The following STRN3 variants were observed in gnomAD, a reference collection of about 807,000 sequenced individuals.
STRN3 encodes the protein striatin-3.
In STRN3, 29 loss-of-function variants were observed where a neutral mutation model predicts 95.6. That is an observed-to-expected ratio of 0.30 (90% CI 0.23 to 0.41). The LOEUF (loss-of-function observed/expected upper bound fraction) is 0.41. STRN3 is among the 10% of genes least tolerant of loss of function. The pLI is 1.00. For missense variants in STRN3, 890 were observed against 972.1 expected, an observed-to-expected ratio of 0.92 and a Z score of 1.12; for synonymous variants, 331 against 357.6, an observed-to-expected ratio of 0.93 and a Z score of 0.84.
At chr14:30,895,770 A>G in intron 16 of STRN3, 22 bp from the exon 17 acceptor site, 1 of 1,589,374 alleles carries the variant, frequency 6.3e-7, no homozygotes, top group Non-Finnish European at 8.6e-7. Flanking sequence ...ATAACAGAGA[A>G]CTGATTAAGT....
chr14:30,954,466 ACT>A (rs1319236981), intron 3 of STRN3, among the ~76,000 whole-genome samples: 1 of 152,142 alleles, frequency 6.6e-6, no homozygotes, highest in Non-Finnish European at 1.5e-5. Flanking sequence ...CTCCATATAT[ACT>A]CTGACATAAA....
At chr14:30,986,866 T>C (rs1881717193) in intron 1 of STRN3, among the ~76,000 whole-genome samples, 1 of 152,228 alleles carries the variant, frequency 6.6e-6, no homozygotes, top group Non-Finnish European at 1.5e-5. Flanking sequence ...GTGAATTTCA[T>C]CTCTCACACA....
intron 5 of STRN3, among the ~76,000 whole-genome samples, chr14:30,942,400 A>G (rs1407793248): frequency 6.6e-6 from 1 of 152,198 alleles, no homozygotes; most frequent in African/African-American, 2.4e-5. Context: ...TTCTAAAGAG[A>G]CAACAGAATC....
intron 1 of STRN3, chr14:31,018,655 T>G (rs1248863798): frequency 4.3e-6 from 2 of 470,048 alleles, no homozygotes; most frequent in Non-Finnish European, 8.4e-6. Flanking sequence ...CGGACAAAAC[T>G]GGCCAGTTTC....
intron 1 of STRN3, among the ~76,000 whole-genome samples, chr14:31,001,398 T>C (rs544619578): frequency 6.6e-6 from 1 of 152,054 alleles, no homozygotes; most frequent in African/African-American, 2.4e-5. Context: ...TTGCCGGGCA[T>C]GGTGATGTGC....
intron 1 of STRN3, among the ~76,000 whole-genome samples, chr14:30,981,173 G>A (rs981097360): frequency 6.6e-6 from 1 of 152,084 alleles, no homozygotes; most frequent in Admixed American, 6.5e-5. Flanking sequence ...AAATTAACCA[G>A]GCATGACGGT....
intron 8 of STRN3, among the ~76,000 whole-genome samples, chr14:30,921,300 G>C (rs564809210): frequency 2.9e-4 from 44 of 152,212 alleles, no homozygotes; most frequent in African/African-American, 1.0e-3. Context: ...CATAATAAAG[G>C]CTTGACAAAG....
intron 1 of STRN3, among the ~76,000 whole-genome samples, chr14:31,017,970 CAAGGGG>C (rs909795254): frequency 6.6e-5 from 10 of 151,326 alleles, no homozygotes; most frequent in Non-Finnish European, 1.3e-4. Flanking sequence ...CCCAGCTACT[CAAGGGG>C]CTGAGGCAGG....
intron 1 of STRN3, among the ~76,000 whole-genome samples, chr14:30,981,931 C>T (rs2139229356): frequency 6.6e-6 from 1 of 151,888 alleles, no homozygotes; most frequent in Admixed American, 6.6e-5. Context: ...CCCATCTCTA[C>T]TAAAAATACA....
At chr14:30,974,998 G>GCT (rs1333800152) in intron 1 of STRN3, among the ~76,000 whole-genome samples, 1 of 150,696 alleles carries the variant, frequency 6.6e-6, no homozygotes, top group Admixed American at 6.7e-5. Context: ...AGGTGCCTGC[G>GCT]CTGCCTGTGA....
At chr14:31,020,644 T>C (rs578152983) in intron 1 of STRN3, among the ~76,000 whole-genome samples, 2 of 152,250 alleles carry the variant, frequency 1.3e-5, no homozygotes, top group African/African-American at 4.8e-5. Flanking sequence ...GGCTCATGCC[T>C]GTAATCCCAA....
At chr14:30,983,152 T>G (rs1269602595) in intron 1 of STRN3, among the ~76,000 whole-genome samples, 1 of 152,236 alleles carries the variant, frequency 6.6e-6, no homozygotes, top group East Asian at 1.9e-4. Context: ...CTTGGTTTTC[T>G]CAACTGTAAA....
chr14:30,976,176 T>C (rs1346969783), intron 1 of STRN3, among the ~76,000 whole-genome samples: 1 of 152,238 alleles, frequency 6.6e-6, no homozygotes, highest in Non-Finnish European at 1.5e-5. Flanking sequence ...ATAAATTTTA[T>C]TTAAGTATAC....
intron 1 of STRN3, among the ~76,000 whole-genome samples, chr14:30,981,972 T>C (rs1881426432): frequency 6.6e-6 from 1 of 151,598 alleles, no homozygotes; most frequent in Non-Finnish European, 1.5e-5. Context: ...GGCGTGTGCC[T>C]GTAATCCCAG....
chr14:30,999,436 A>T (rs919002127), intron 1 of STRN3, among the ~76,000 whole-genome samples: 1 of 152,240 alleles, frequency 6.6e-6, no homozygotes, highest in Non-Finnish European at 1.5e-5. Flanking sequence ...ACATATGAGA[A>T]TGATATTTTA....
rs113993313 is a variant in STRN3 at position 30,968,937 on chromosome 14, T to C, written c.283-12695A>G. Among the ~76,000 whole-genome samples, 1,392 of 152,116 alleles carry C rather than the reference T, an allele frequency of 9.2e-3. 22 individuals are homozygous for C. The highest frequency in any genetic ancestry group is 0.032 in the African/African-American group (1,309 of 41,490). ...TAAGAATCTGAATTTTTACCTACAT[T>C]AAAAGGTTAAAAAAAATATATATTT... On this transcript the variant is annotated intron_variant, in intron 1 of 17. Coordinates refer to ENST00000357479, the MANE Select transcript of STRN3 (RefSeq NM_001083893.2).
chr14:30,895,799 G>A (rs769422224), intron 16 of STRN3, 51 bp from the exon 17 acceptor site: 19 of 1,486,936 alleles, frequency 1.3e-5, no homozygotes, highest in Admixed American at 4.1e-5. Flanking sequence ...ATACTAACTC[G>A]AGACAACAGA....
chr14:30,929,979 A>AAAAAAAAAAACAAAAAAAAAAAC (rs1566441550), intron 7 of STRN3, among the ~76,000 whole-genome samples: 3 of 147,388 alleles, frequency 2.0e-5, no homozygotes, highest in Non-Finnish European at 3.0e-5. Flanking sequence ...AAAAAAAAAA[A>AAAAAAAAAAACAAAAAAAAAAAC]CTCAAATTCC....
intron 12 of STRN3, 132 bp from the exon 13 acceptor site, chr14:30,911,294 ACTT>A: frequency 2.4e-5 from 17 of 718,710 alleles, no homozygotes; most frequent in Non-Finnish European, 3.0e-5. Context: ...CCTGACTGGT[ACTT>A]TTTTTTTTTT....
Sources: gnomAD v4.1 joint callset for allele counts (sites outside exome capture counted in the v4.1 genomes callset) on GRCh38, gnomAD v4.1.1 for gene constraint, MANE v1.5 for transcripts, NCBI Gene and HGNC (gene_info 2026-07-23, HGNC 2026-07-21) for gene names.